The following OLFM2 variants were observed in gnomAD, a reference collection of about 807,000 sequenced individuals.
OLFM2 encodes noelin-2.
OLFM2 carries 20 observed loss-of-function variants against 43.9 expected under a neutral mutation model. The ratio of observed to expected loss-of-function variants is 0.46; its 90% CI spans 0.32 to 0.66. The LOEUF (loss-of-function observed/expected upper bound fraction) is 0.66, where lower values mean the gene tolerates loss of function less well. Ranked by LOEUF, OLFM2 falls within the 30% of genes least tolerant of loss-of-function variation. The pLI is 0.04. For missense variants in OLFM2, 416 were observed against 643.6 expected (o/e 0.65, Z 3.83); for synonymous variants, 268 against 278.6 (o/e 0.96, Z 0.38).
chr19:9,926,048 G>T (rs1177114912), intron 1 of OLFM2, among the ~76,000 whole-genome samples: 2 of 151,552 alleles, frequency 1.3e-5, no homozygotes, highest in African/African-American at 4.8e-5. Flanking sequence ...GAGGTGGAAG[G>T]ATCCCTGGAG....
intron 1 of OLFM2, among the ~76,000 whole-genome samples, chr19:9,932,677 T>C (rs1208332327): frequency 6.6e-6 from 1 of 152,058 alleles, no homozygotes; most frequent in Non-Finnish European, 1.5e-5. Context: ...TGATCTAAAC[T>C]GAATTATTCC....
chr19:9,862,023 G>T (rs1326222875), intron 1 of OLFM2, among the ~76,000 whole-genome samples: 1 of 120,380 alleles, frequency 8.3e-6, no homozygotes, highest in East Asian at 2.5e-4. Context: ...CCGTCTCAAA[G>T]AAAAAAAAAA....
chr19:9,930,671 C>A (rs912257085), intron 1 of OLFM2, among the ~76,000 whole-genome samples: 1 of 150,550 alleles, frequency 6.6e-6, no homozygotes, highest in Non-Finnish European at 1.5e-5. Context: ...GTGGTGAAAC[C>A]CTGTCTCTAT....
chr19:9,864,456 A>G (rs1188014867), intron 1 of OLFM2, among the ~76,000 whole-genome samples: 1 of 151,948 alleles, frequency 6.6e-6, no homozygotes, highest in East Asian at 1.9e-4. Context: ...ACCCACCTCC[A>G]TGCCTGGCTA....
intron 1 of OLFM2, among the ~76,000 whole-genome samples, chr19:9,907,082 T>G (rs1025319230): frequency 1.3e-5 from 2 of 152,114 alleles, no homozygotes; most frequent in Non-Finnish European, 2.9e-5. Context: ...CACCTCCATC[T>G]CCAGTCAACA....
At chr19:9,895,742 T>A (rs1300581175) in intron 1 of OLFM2, among the ~76,000 whole-genome samples, 1 of 151,988 alleles carries the variant, frequency 6.6e-6, no homozygotes. Flanking sequence ...TTCAAGTGAT[T>A]CTCCTGCCCC....
At chr19:9,898,781 C>T (rs770582311) in intron 1 of OLFM2, among the ~76,000 whole-genome samples, 1 of 152,180 alleles carries the variant, frequency 6.6e-6, no homozygotes, top group African/African-American at 2.4e-5. Flanking sequence ...CAAGTGCTGA[C>T]GGCTCTGCTT....
chr19:9,868,929 C>T (rs1361387549), intron 1 of OLFM2, among the ~76,000 whole-genome samples: 1 of 149,760 alleles, frequency 6.7e-6, no homozygotes, highest in African/African-American at 2.5e-5. Context: ...AAGTGAGACC[C>T]TATCTCAAAA....
At chr19:9,889,001 GGTT>G (rs1254730823) in intron 1 of OLFM2, among the ~76,000 whole-genome samples, 1 of 152,076 alleles carries the variant, frequency 6.6e-6, no homozygotes, top group East Asian at 1.9e-4. Context: ...GGGAGGCAGA[GGTT>G]GCAGTGAGCC....
At chr19:9,898,430 G>A (rs909243657) in intron 1 of OLFM2, among the ~76,000 whole-genome samples, 1 of 151,838 alleles carries the variant, frequency 6.6e-6, no homozygotes, top group South Asian at 2.1e-4. Context: ...GCTGAGGCAG[G>A]AGAATTGCTT....
intron 1 of OLFM2, among the ~76,000 whole-genome samples, chr19:9,888,527 A>AAAC (rs1010089082): frequency 1.3e-5 from 2 of 150,912 alleles, no homozygotes; most frequent in African/African-American, 4.9e-5. Context: ...ACCTCAAAAA[A>AAAC]AAAAAACAAA....
intron 1 of OLFM2, among the ~76,000 whole-genome samples, chr19:9,878,697 G>T (rs1361897619): frequency 6.6e-6 from 1 of 152,116 alleles, no homozygotes; most frequent in Non-Finnish European, 1.5e-5. Context: ...CTGTTTTCCA[G>T]ATAGGACAGC....
chr19:9,876,486 C>T (rs371329494), intron 1 of OLFM2, among the ~76,000 whole-genome samples: 3 of 152,166 alleles, frequency 2.0e-5, no homozygotes, highest in Non-Finnish European at 2.9e-5. Flanking sequence ...CTCCTGAAAA[C>T]CCACCTCCAA....
intron 1 of OLFM2, among the ~76,000 whole-genome samples, chr19:9,930,727 G>T (rs928116826): frequency 5.3e-5 from 8 of 151,534 alleles, no homozygotes; most frequent in African/African-American, 1.9e-4. Flanking sequence ...GGTGCTGTGC[G>T]CCTATAATCC....
intron 1 of OLFM2, among the ~76,000 whole-genome samples, chr19:9,877,497 C>A (rs1340609766): frequency 6.6e-6 from 1 of 151,818 alleles, no homozygotes; most frequent in Non-Finnish European, 1.5e-5. Flanking sequence ...TGTGCCATTG[C>A]ACTCCAGCCT....
intron 1 of OLFM2, among the ~76,000 whole-genome samples, chr19:9,901,944 T>C (rs777664982): frequency 1.3e-5 from 2 of 152,228 alleles, no homozygotes; most frequent in Non-Finnish European, 2.9e-5. Flanking sequence ...TTCACACATG[T>C]TCACAAACAT....
chr19:9,914,304 G>A (rs1295752254), intron 1 of OLFM2, among the ~76,000 whole-genome samples: 1 of 152,144 alleles, frequency 6.6e-6, no homozygotes, highest in Non-Finnish European at 1.5e-5. Context: ...GGGGGCGTGG[G>A]GGGGCGACAC....
intron 1 of OLFM2, among the ~76,000 whole-genome samples, chr19:9,921,756 A>G (rs2086423122): frequency 6.6e-6 from 1 of 152,074 alleles, no homozygotes. Context: ...AAATGCTAGG[A>G]TTACAGGCAT....
chr19:9,915,088 A>G (rs897436120), intron 1 of OLFM2, among the ~76,000 whole-genome samples: 1 of 152,192 alleles, frequency 6.6e-6, no homozygotes, highest in Non-Finnish European at 1.5e-5. Context: ...CCCATCTGCA[A>G]AGTGGGTGGT....
Sources: gnomAD v4.1 joint callset for allele counts (sites outside exome capture counted in the v4.1 genomes callset) on GRCh38, gnomAD v4.1.1 for gene constraint, MANE v1.5 for transcripts, NCBI Gene and HGNC (gene_info 2026-07-23, HGNC 2026-07-21) for gene names.